Variants in OAS2 observed in about 807,000 individuals in gnomAD.
OAS2 encodes 2'-5'-oligoadenylate synthetase 2, also known as 2'-5'-oligoadenylate synthase 2.
Under a neutral mutation model 71.3 loss-of-function variants are expected in OAS2, and 67 were observed. That is an observed-to-expected ratio of 0.94 (90% CI 0.77 to 1.15). The LOEUF is 1.15. Ranked by LOEUF, OAS2 falls within the 50% of genes most tolerant of loss-of-function variation. The pLI, the probability that OAS2 is intolerant of heterozygous loss-of-function variation, is 0.00. For missense variants in OAS2, 789 were observed against 822.5 expected, an observed-to-expected ratio of 0.96 and a Z score of 0.50; for synonymous variants, 327 against 321.8, an observed-to-expected ratio of 1.02 and a Z score of -0.17.
chr12:112,986,797 G>T (rs1200315911), intron 1 of OAS2, among the ~76,000 whole-genome samples: 2 of 152,220 alleles, frequency 1.3e-5, no homozygotes, highest in African/African-American at 4.8e-5. Flanking sequence ...CTGGTGGCAG[G>T]TGGGGCAGTT....
In OAS2 at chr12:112,978,725, C is replaced by T. The variant is rs528927805; in HGVS notation, c.117C>T (p.Asn39=). ...AGACACTGATCGACGAGATGGTGAA[C>T]ACCATCTGTGACGTCCTGCAGGAAC... ...ECQTLIDEMV[N]TICDVLQEPE... Residue 39 remains asparagine, a synonymous_variant, in exon 1 of 10, where the codon AAC becomes AAT. Transcript: ENST00000392583. This position sits in a 1 kb window ranked among gnomAD's most constrained non-coding sequence, Gnocchi z 4.2. The T allele has an allele frequency of 1.9e-6, 3 of 1,614,164 alleles. No individual in the cohort carries two copies. In the South Asian group the frequency reaches 3.3e-5, roughly 18 times the overall value.
intron 5 of OAS2, among the ~76,000 whole-genome samples, chr12:112,998,800 T>C (rs2044258733): frequency 6.6e-6 from 1 of 152,178 alleles, no homozygotes; most frequent in South Asian, 2.1e-4. Context: ...TCTCCTCTTC[T>C]TCTAAGAACA....
chr12:112,982,682 C>G (rs2044095131), intron 1 of OAS2, among the ~76,000 whole-genome samples: 3 of 152,152 alleles, frequency 2.0e-5, no homozygotes, highest in Admixed American at 2.0e-4. Flanking sequence ...GTAATGCTGA[C>G]TTCATAGAAG....
chr12:112,979,705 T>C (rs2044061934), intron 1 of OAS2, among the ~76,000 whole-genome samples: 1 of 152,118 alleles, frequency 6.6e-6, no homozygotes, highest in Admixed American at 6.5e-5. Flanking sequence ...TGTAACTGTG[T>C]AACCCCCACC....
intron 1 of OAS2, among the ~76,000 whole-genome samples, chr12:112,980,093 T>C (rs2044066591): frequency 6.6e-6 from 1 of 152,222 alleles, no homozygotes; most frequent in Admixed American, 6.5e-5. Context: ...TATGTGAATA[T>C]TCCACATTTG....
chr12:112,997,640 A>AC lies in OAS2; in HGVS notation c.750dup (p.Val251ArgfsTer22). 2 of 1,614,142 alleles carry AC rather than the reference A, an allele frequency of 1.2e-6. No individual in the cohort carries two copies. On this transcript the variant is annotated frameshift_variant, in exon 4 of 10. Transcript: ENST00000392583. LOFTEE classifies it high-confidence loss of function. Reference sequence around the variant, plus strand: ...CTTTGACATTGCTGAAGGCGTCAGAACCGTACTGGAGCTGATCAAATGCCA... The same window carrying AC: ...CTTTGACATTGCTGAAGGCGTCAGAACCCGTACTGGAGCTGATCAAATGCCA...
chr12:112,993,311 G>T (rs1353970334), intron 2 of OAS2, among the ~76,000 whole-genome samples: 1 of 152,172 alleles, frequency 6.6e-6, no homozygotes, highest in East Asian at 1.9e-4. Flanking sequence ...TGACTGGCTG[G>T]TATTTCCATT....
intron 3 of OAS2, among the ~76,000 whole-genome samples, chr12:112,995,934 T>A (rs1044313163): frequency 1.3e-5 from 2 of 152,146 alleles, no homozygotes; most frequent in Non-Finnish European, 2.9e-5. Flanking sequence ...CCCAAGTAGC[T>A]GGAACTACAG....
At position 112,997,507 on chromosome 12, in the gene OAS2, C is replaced by T; in HGVS notation, c.628-13C>T. 1.2e-6 allele frequency: 2 copies of T among 1,610,252 alleles called. No individual in the cohort carries two copies. The highest frequency in any genetic ancestry group is 1.7e-6 in the Non-Finnish European group (2 of 1,177,178). Reference sequence around the variant, plus strand: ...ATCCCCCAATGAGCTGCTACCCTTTCCTTATCCCACAGTGCCAGAAAAAAA... The same window carrying T: ...ATCCCCCAATGAGCTGCTACCCTTTTCTTATCCCACAGTGCCAGAAAAAAA... On this transcript the variant is annotated splice_polypyrimidine_tract_variant and intron_variant, in intron 3 of 9. Transcript: ENST00000392583.
chr12:112,984,297 T>A (rs1038764344), intron 1 of OAS2, among the ~76,000 whole-genome samples: 1 of 152,216 alleles, frequency 6.6e-6, no homozygotes, highest in Non-Finnish European at 1.5e-5. Flanking sequence ...GCTGAATTGA[T>A]CTCTTGATCA....
chr12:113,005,079 T>G lies in OAS2; in HGVS notation c.1325T>G (p.Phe442Cys), dbSNP rs768814527. 2 of 1,613,910 alleles carry G rather than the reference T, an allele frequency of 1.2e-6. No individual in the cohort carries two copies. Among genetic ancestry groups the G allele is most frequent in the Non-Finnish European group, 1.7e-6 (2 of 1,180,000 alleles). The change falls in exon 7 of 10, where the codon TTT becomes TGT. Residue 442 changes from phenylalanine (F) to cysteine (C), a missense_variant. Physicochemically the swap from Phe to Cys is radical, Grantham distance 205. Coordinates refer to ENST00000392583, the MANE Select transcript of OAS2 (RefSeq NM_002535.3). ...VKEIHEQLKA[F>C]WREKEEELEV... ...GAAATCCATGAACAGCTGAAAGCCT[T>G]TTGGAGGGAGAAGGAGGAGGAGCTT...
rs1186184818 is a variant in OAS2, at chr12:113,009,142, T to C, written c.1951T>C (p.Trp651Arg). ...PTGDVGGGDR[W>R]CWHLLAKEAK... ...AGGTGACGTGGGTGGAGGGGACCGT[T>C]GGTGTTGGCATCTTCTGGCAAAAGA... Residue 651 changes from tryptophan to arginine, a missense_variant, in exon 10 of 10, where the codon TGG becomes CGG. Coordinates refer to ENST00000392583, the MANE Select transcript of OAS2 (RefSeq NM_002535.3). 2 of 1,613,988 alleles carry C rather than the reference T, an allele frequency of 1.2e-6. No homozygotes were observed. Among genetic ancestry groups the C allele is most frequent in the Admixed American group, 3.3e-5 (2 of 60,018 alleles).
At chr12:112,980,804 C>T (rs757340253) in intron 1 of OAS2, among the ~76,000 whole-genome samples, 1 of 152,106 alleles carries the variant, frequency 6.6e-6, no homozygotes, top group Non-Finnish European at 1.5e-5. Flanking sequence ...TACTGTTTTC[C>T]GTAATGACTG....
chr12:112,979,711 C>T (rs1054173285), intron 1 of OAS2, among the ~76,000 whole-genome samples: 18 of 152,130 alleles, frequency 1.2e-4, no homozygotes, highest in Non-Finnish European at 2.1e-4. Context: ...TGTGTAACCC[C>T]CACCCAGATC....
Position 113,002,981 on chromosome 12 carries a change from A to C in OAS2, c.1058A>C (p.Lys353Thr). The C allele has an allele frequency of 6.2e-7, 1 of 1,614,164 alleles. No individual in the cohort carries two copies. Among genetic ancestry groups the C allele is most frequent in the African/African-American group, 1.3e-5 (1 of 75,042 alleles). ...TPGHLLDKFI[K>T]EFLQPNKCFL... is the part of the protein sequence containing the mutation. ...GGCCACCTTCTGGATAAGTTCATCA[A>C]GGAGTTTCTCCAGCCCAACAAATGC... The change falls in exon 6 of 10, where the codon AAG becomes ACG. Residue 353 changes from lysine to threonine, a missense_variant. Transcript: ENST00000392583.
At chr12:112,986,254 C>A (rs1396031359) in intron 1 of OAS2, among the ~76,000 whole-genome samples, 2 of 152,180 alleles carry the variant, frequency 1.3e-5, no homozygotes, top group Non-Finnish European at 2.9e-5. Flanking sequence ...GGTCCTCAGG[C>A]CCCCAGGCAG....
At chr12:112,991,450 C>T (rs1203499164) in intron 2 of OAS2, among the ~76,000 whole-genome samples, 1 of 152,252 alleles carries the variant, frequency 6.6e-6, no homozygotes, top group Non-Finnish European at 1.5e-5. Context: ...GCTCAGAGCA[C>T]AGTTTGCTTT....
chr12:112,998,482 A>G (rs745967460), intron 5 of OAS2, 72 bp downstream of exon 5: 5 of 1,515,608 alleles, frequency 3.3e-6, no homozygotes, highest in Non-Finnish European at 4.5e-6. Flanking sequence ...GCTAGGTCTT[A>G]TCTGAGAGTA....
At chr12:113,001,480 A>C (rs1011342195) in intron 5 of OAS2, among the ~76,000 whole-genome samples, 7 of 115,822 alleles carry the variant, frequency 6.0e-5, no homozygotes, top group Admixed American at 4.8e-4. Flanking sequence ...ATATACACAT[A>C]TATACACATA....
Sources: allele counts gnomAD v4.1 joint callset (sites outside exome capture counted in the v4.1 genomes callset), GRCh38; gene constraint gnomAD v4.1.1; non-coding constraint Gnocchi (gnomAD v3.1); transcripts MANE v1.5; gene names NCBI Gene and HGNC (gene_info 2026-07-23, HGNC 2026-07-21).